Variants in CDH22 observed in about 807,000 individuals in gnomAD.
CDH22 encodes the protein cadherin 22, also known as cadherin-22.
In CDH22, 30 loss-of-function variants were observed where a neutral mutation model predicts 58.4. The observed-to-expected ratio is 0.51, with a 90% CI of 0.38 to 0.70. The LOEUF is 0.70. Among genes scored for constraint, CDH22 ranks in the 30% least tolerant of loss-of-function variants. The pLI is 0.00. For synonymous variants in CDH22, 513 were observed against 558.2 expected (o/e 0.92, Z 1.14); for missense variants, 1,014 against 1,233.9 (o/e 0.82, Z 2.67).
At position 46,251,179 on chromosome 20, in the gene CDH22, G is replaced by A. The variant is rs771325273; in HGVS notation, c.116C>T (p.Ala39Val). The A allele has an allele frequency of 1.9e-6, 3 of 1,550,124 alleles. No individual in the cohort carries two copies. The highest frequency in any genetic ancestry group is 2.8e-5 in the African/African-American group (2 of 70,774). ...PPTLLGRLWA[A>V]GTPSPSAPGA... Reference sequence around the variant, plus strand: ...GGGCGCCGACGGCGAGGGTGTGCCCGCTGCCCACAGGCGCCCCAGCAGCGT... The same window carrying A: ...GGGCGCCGACGGCGAGGGTGTGCCCACTGCCCACAGGCGCCCCAGCAGCGT... Residue 39 changes from alanine (A) to valine (V), a missense_variant, in exon 2 of 12, where the codon GCG becomes GTG. Physicochemically the swap from Ala to Val is moderately conservative, Grantham distance 64. Around this residue, in one of 2 missense-constraint regions of CDH22, gnomAD observed 806 missense variants for 1,038.7 expected, o/e 0.78. Coordinates refer to ENST00000537909, the MANE Select transcript of CDH22 (RefSeq NM_021248.3). This position sits in a 1 kb window ranked among gnomAD's most constrained non-coding sequence, Gnocchi z 6.7.
intron 10 of CDH22, among the ~76,000 whole-genome samples, chr20:46,186,072 G>A (rs1017337052): frequency 2.0e-5 from 3 of 151,892 alleles, no homozygotes; most frequent in African/African-American, 7.3e-5. Context: ...AAAGTAGCTG[G>A]GCATGGTGGC....
chr20:46,174,008 A>G lies in CDH22; in HGVS notation c.*498T>C, dbSNP rs1354516026. 1 of 154,968 alleles carries G rather than the reference A, an allele frequency of 6.5e-6. No individual in the cohort carries two copies. Among genetic ancestry groups the G allele is most frequent in the African/African-American group, 2.4e-5 (1 of 41,504 alleles). The allele number at this position is 154,968 out of a possible 1,614,324, so 9.6% of individuals were successfully genotyped here. On this transcript the variant is annotated 3_prime_UTR_variant, in exon 12 of 12. Transcript: ENST00000537909. This position sits in a 1 kb window ranked among gnomAD's most constrained non-coding sequence, Gnocchi z 4.4. Reference sequence around the variant, plus strand: ...CTTCTCTGGGGTCCTTTCCCCTTCTATTCCGTGCAGGACACCACCTCATGG... The same window carrying G: ...CTTCTCTGGGGTCCTTTCCCCTTCTGTTCCGTGCAGGACACCACCTCATGG...
intron 3 of CDH22, among the ~76,000 whole-genome samples, chr20:46,233,807 C>T (rs978680153): frequency 2.6e-5 from 4 of 152,252 alleles, no homozygotes; most frequent in African/African-American, 4.8e-5. Context: ...TGTCCCGTTC[C>T]CCCCAGCACG....
chr20:46,254,201 T>A (rs1038192037), intron 1 of CDH22, among the ~76,000 whole-genome samples: 1 of 152,168 alleles, frequency 6.6e-6, no homozygotes, highest in East Asian at 1.9e-4. Flanking sequence ...TCCACAAATG[T>A]TTACCAGCAC....
At chr20:46,206,592 C>G (rs2086003500) in intron 7 of CDH22, among the ~76,000 whole-genome samples, 1 of 152,128 alleles carries the variant, frequency 6.6e-6, no homozygotes, top group Non-Finnish European at 1.5e-5. Flanking sequence ...GAATGCTTTT[C>G]CTCACATTTT....
chr20:46,233,115 A>G (rs1440683507), intron 3 of CDH22, among the ~76,000 whole-genome samples: 1 of 152,194 alleles, frequency 6.6e-6, no homozygotes, highest in African/African-American at 2.4e-5. Flanking sequence ...AGAGGTACAT[A>G]TGGAGCAGGA....
In CDH22 at chr20:46,178,025, G is replaced by T; in HGVS notation, c.1836C>A (p.Asn612Lys). Residue 612 changes from asparagine to lysine, a missense_variant, in exon 11 of 12, where the codon AAC (asparagine) becomes AAA (lysine). By Grantham distance (94) the Asn-to-Lys change is moderately conservative. Transcript: ENST00000537909. ...CDSSGTIQSC[N>K]TTAFVMAASL... ...AGGCGGCCATGACAAAGGCCGTGGT[G>T]TTGCAGGACTGGATGGTGCCGGAGC... 1 of 1,614,124 alleles carries T rather than the reference G, an allele frequency of 6.2e-7. No individual in the cohort carries two copies.
At chr20:46,205,467 C>G (rs937462742) in intron 7 of CDH22, among the ~76,000 whole-genome samples, 5 of 152,142 alleles carry the variant, frequency 3.3e-5, no homozygotes, top group Non-Finnish European at 7.3e-5. Flanking sequence ...GGGATTTGAA[C>G]CCAGGTCTCC....
At chr20:46,248,638 C>A in intron 2 of CDH22, among the ~76,000 whole-genome samples, 1 of 152,098 alleles carries the variant, frequency 6.6e-6, no homozygotes, top group East Asian at 1.9e-4. Context: ...GACTGGCCAA[C>A]ATGGTGAAAC....
intron 4 of CDH22, among the ~76,000 whole-genome samples, chr20:46,217,205 T>TACACATGCCCACACAGATATACTC (rs1427756059): frequency 1.7e-4 from 26 of 151,810 alleles, no homozygotes; most frequent in Non-Finnish European, 1.5e-5. Context: ...CAGATACAGA[T>TACACATGCCCACACAGATATACTC]ACACATGCCC....
At chr20:46,226,766 C>T (rs1223646242) in intron 4 of CDH22, among the ~76,000 whole-genome samples, 1 of 152,194 alleles carries the variant, frequency 6.6e-6, no homozygotes, top group Non-Finnish European at 1.5e-5. Context: ...CCTCCTATCC[C>T]AGGAGCAGTG....
At chr20:46,256,337 C>T (rs1248648778) in intron 1 of CDH22, among the ~76,000 whole-genome samples, 6 of 152,150 alleles carry the variant, frequency 3.9e-5, no homozygotes, top group Non-Finnish European at 5.9e-5. Flanking sequence ...CATCTATCAT[C>T]GTTATTACAA....
intron 1 of CDH22, among the ~76,000 whole-genome samples, chr20:46,307,285 C>T (rs2059028342): frequency 6.6e-6 from 1 of 152,238 alleles, no homozygotes; most frequent in African/African-American, 2.4e-5. Context: ...GCCCTACCCT[C>T]TGCAGCCCCG....
intron 1 of CDH22, among the ~76,000 whole-genome samples, chr20:46,280,334 C>T (rs887267218): frequency 6.6e-6 from 1 of 152,120 alleles, no homozygotes; most frequent in African/African-American, 2.4e-5. Context: ...GCAGGAGAAT[C>T]GCTTGAACCT....
At chr20:46,245,580 C>G (rs2086322350) in intron 2 of CDH22, among the ~76,000 whole-genome samples, 2 of 152,108 alleles carry the variant, frequency 1.3e-5, no homozygotes, top group South Asian at 4.1e-4. Context: ...CTTGCAAGCT[C>G]CTTGAGGGCC....
At chr20:46,246,695 C>T (rs888110733) in intron 2 of CDH22, among the ~76,000 whole-genome samples, 1 of 152,012 alleles carries the variant, frequency 6.6e-6, no homozygotes, top group Non-Finnish European at 1.5e-5. Context: ...AGGAGCCTGG[C>T]GGTGAGTGAT....
At chr20:46,190,658 TA>T (rs2145659316) in intron 8 of CDH22, among the ~76,000 whole-genome samples, 1 of 152,376 alleles carries the variant, frequency 6.6e-6, no homozygotes, top group Non-Finnish European at 1.5e-5. Context: ...TCAATATTTT[TA>T]AACTAATTGA....
chr20:46,266,221 G>T (rs1369969819), intron 1 of CDH22, among the ~76,000 whole-genome samples: 1 of 152,172 alleles, frequency 6.6e-6, no homozygotes, highest in African/African-American at 2.4e-5. Flanking sequence ...TGGGGAGAAG[G>T]CCTCTCTTCC....
intron 8 of CDH22, among the ~76,000 whole-genome samples, chr20:46,198,580 G>A (rs930171960): frequency 6.6e-6 from 1 of 152,086 alleles, no homozygotes; most frequent in African/African-American, 2.4e-5. Flanking sequence ...TCAGGCTCCA[G>A]GCTCTTCTCA....
Sources: allele counts gnomAD v4.1 joint callset (sites outside exome capture counted in the v4.1 genomes callset), GRCh38; gene constraint gnomAD v4.1.1; regional missense constraint gnomAD v4.1.1; non-coding constraint Gnocchi (gnomAD v3.1); transcripts MANE v1.5; gene names NCBI Gene and HGNC (gene_info 2026-07-23, HGNC 2026-07-21).